Variants in HSF2 observed in about 807,000 individuals in gnomAD.
HSF2 encodes the protein heat shock factor protein 2.
Under a neutral mutation model 65.0 loss-of-function variants are expected in HSF2, and 21 were observed. The ratio of observed to expected loss-of-function variants is 0.32; its 90% CI spans 0.23 to 0.47. The LOEUF (loss-of-function observed/expected upper bound fraction) is 0.47, where lower values mean the gene tolerates loss of function less well. Ranked by LOEUF, HSF2 falls within the 20% of genes least tolerant of loss-of-function variation. The probability of loss-of-function intolerance (pLI) is 1.00; values close to 1 mark genes in which losing one functional copy is unlikely to be tolerated. For missense variants in HSF2, 499 were observed against 628.1 expected, an observed-to-expected ratio of 0.79 and a Z score of 2.20; for synonymous variants, 225 against 219.1, an observed-to-expected ratio of 1.03 and a Z score of -0.24.
intron 10 of HSF2, among the ~76,000 whole-genome samples, chr6:122,427,426 A>G (rs575379345): frequency 6.6e-6 from 1 of 152,160 alleles, no homozygotes; most frequent in African/African-American, 2.4e-5. Context: ...TAGATATGCC[A>G]TCTGTCAGAG....
At chr6:122,410,643 T>C (rs189036318) in intron 1 of HSF2, among the ~76,000 whole-genome samples, 3 of 151,942 alleles carry the variant, frequency 2.0e-5, no homozygotes, top group Non-Finnish European at 4.4e-5. Flanking sequence ...TATGGAAACT[T>C]CATATAAGGG....
At chr6:122,429,813 T>C (rs1169718379) in intron 11 of HSF2, among the ~76,000 whole-genome samples, 2 of 152,178 alleles carry the variant, frequency 1.3e-5, no homozygotes, top group Admixed American at 6.5e-5. Flanking sequence ...ATTACGTTTA[T>C]TGATATGTGT....
rs1339036193 is a variant in HSF2, at chr6:122,413,589, G to A, written c.395G>A (p.Ser132Asn). 1.2e-6 allele frequency: 2 copies of A among 1,600,136 alleles called. No individual in the cohort carries two copies. Among genetic ancestry groups the A allele is most frequent in the Non-Finnish European group, 1.7e-6 (2 of 1,167,830 alleles). The part of the protein sequence containing the change: ...RQEDLTKIIS[S>N]AQKVQIKQET... ...GAAGATTTAACAAAAATTATAAGTA[G>A]TGCTCAGAAGGTTCAGATAAAACAG... Residue 132 changes from serine to asparagine, a missense_variant, in exon 4 of 13, where the codon AGT (serine) becomes AAT (asparagine). Ser to Asn is a conservative substitution (Grantham distance 46). This residue lies in a region of HSF2 where 150 missense variants were observed against 234.6 expected (regional missense o/e 0.64). Coordinates refer to ENST00000368455, the MANE Select transcript of HSF2 (RefSeq NM_004506.4).
chr6:122,422,309 T>G lies in HSF2; in HGVS notation c.830+11T>G. On this transcript the variant is annotated intron_variant, in intron 8 of 12. Transcript: ENST00000368455. ...ATCTGATCCCTCCAAGTAAGGAGTT[T>G]GTGAGATAAAATGTATGAAAATATT... The G allele has an allele frequency of 6.4e-7, 1 of 1,567,664 alleles. No individual in the cohort carries two copies. Among genetic ancestry groups the G allele is most frequent in the South Asian group, 1.1e-5 (1 of 87,424 alleles).
intron 5 of HSF2, among the ~76,000 whole-genome samples, chr6:122,418,414 C>A (rs542381500): frequency 6.6e-6 from 1 of 152,152 alleles, no homozygotes; most frequent in Admixed American, 6.6e-5. Flanking sequence ...ATCCAAAGTT[C>A]CTAAGCTAGT....
chr6:122,414,219 G>A (rs1224299309), intron 4 of HSF2, among the ~76,000 whole-genome samples: 1 of 152,054 alleles, frequency 6.6e-6, no homozygotes, highest in African/African-American at 2.4e-5. Context: ...TACATTTCTT[G>A]GTTACCATTA....
Position 122,401,683 on chromosome 6 carries a change from G to A in HSF2, c.93+1853G>A, listed in dbSNP as rs78407689. On this transcript the variant is annotated intron_variant, in intron 1 of 12. Transcript: ENST00000368455. Reference sequence around the variant, plus strand: ...AACCAATTTTCTAATATGCCAGTGGGACAATCAAAATGTAAGCTCAGTGAG... The same window carrying A: ...AACCAATTTTCTAATATGCCAGTGGAACAATCAAAATGTAAGCTCAGTGAG... Among the ~76,000 whole-genome samples the A allele has an allele frequency of 4.4e-3, 665 of 152,256 alleles. 3 individuals are homozygous for A. The highest frequency in any genetic ancestry group is 0.015 in the African/African-American group (632 of 41,550).
rs952468303 is a variant in HSF2 at position 122,416,448 on chromosome 6, G to A, written c.531+152G>A. ...GAAGTAAAAAATGAAATGAAATTAA[G>A]CCAAGTGTTACACATTTTTAATAAA... On this transcript the variant is annotated intron_variant, in intron 5 of 12. Coordinates refer to ENST00000368455, the MANE Select transcript of HSF2 (RefSeq NM_004506.4). The A allele has an allele frequency of 7.3e-5, 36 of 496,410 alleles. 4 individuals carry two copies. In the Admixed American group the frequency reaches 8.3e-4, roughly 11 times the overall value. The allele number at this position is 496,410 out of a possible 1,614,324, so 30.8% of individuals were successfully genotyped here.
chr6:122,401,268 A>G (rs1425120431), intron 1 of HSF2, among the ~76,000 whole-genome samples: 6 of 151,466 alleles, frequency 4.0e-5, no homozygotes, highest in African/African-American at 1.4e-4. Context: ...AAATAAACAC[A>G]TGTCTCATGC....
At chr6:122,413,212 G>C (rs182819016) in intron 3 of HSF2, among the ~76,000 whole-genome samples, 6 of 152,108 alleles carry the variant, frequency 3.9e-5, no homozygotes, top group Admixed American at 3.9e-4. Context: ...ATTAAATGTG[G>C]AATGTGGTAA....
intron 10 of HSF2, among the ~76,000 whole-genome samples, chr6:122,427,323 C>T (rs1299575981): frequency 6.6e-6 from 1 of 152,018 alleles, no homozygotes; most frequent in Non-Finnish European, 1.5e-5. Context: ...CTTATAGTTA[C>T]ATCTGTGAAC....
rs1582613322 is a variant in HSF2 at position 122,416,218 on chromosome 6, TAGTG to T, written c.456_459del (p.Ser152ArgfsTer40). On this transcript the variant is annotated splice_acceptor_variant and coding_sequence_variant, in exon 5 of 13. Coordinates refer to ENST00000368455, the MANE Select transcript of HSF2 (RefSeq NM_004506.4). LOFTEE classifies it high-confidence loss of function. ...TTTTGTTGCTTAATAAATTATAACA[TAGTG>T]AGAATGAGTCCCTTTGGAAGGAGGT... 6.3e-7 allele frequency: 1 copy of T among 1,576,416 alleles called. No homozygotes were observed. Among genetic ancestry groups the T allele is most frequent in the Non-Finnish European group, 8.7e-7 (1 of 1,146,592 alleles).
intron 4 of HSF2, 86 bp from the exon 5 acceptor site, chr6:122,416,135 G>T: frequency 1.2e-6 from 1 of 808,014 alleles, no homozygotes; most frequent in Non-Finnish European, 2.1e-6. Flanking sequence ...TAGTTCAGTT[G>T]TCTGGTATTC....
intron 1 of HSF2, among the ~76,000 whole-genome samples, chr6:122,410,211 C>A (rs1462825295): frequency 6.6e-6 from 1 of 151,868 alleles, no homozygotes; most frequent in African/African-American, 2.4e-5. Flanking sequence ...CTCCACAAAT[C>A]ATTTTTTTAA....
chr6:122,420,700 CTTTTTTT>C (rs59305295), intron 7 of HSF2, among the ~76,000 whole-genome samples: 392 of 28,542 alleles, frequency 0.014, 8 homozygotes, highest in East Asian at 0.13. Context: ...TTATTCATTT[CTTTTTTT>C]TTTTTTTTTT....
At chr6:122,422,447 C>A in intron 8 of HSF2, 149 bp downstream of exon 8, 1 of 738,396 alleles carries the variant, frequency 1.4e-6, no homozygotes, top group Non-Finnish European at 2.3e-6. Context: ...ATTATTCAAC[C>A]AGATAAAACC....
At position 122,433,105 on chromosome 6, in the gene HSF2, ATATAT is replaced by A. The variant is rs1350126426; in HGVS notation, c.*887_*891del. On this transcript the variant is annotated 3_prime_UTR_variant, in exon 13 of 13. Transcript: ENST00000368455. ...AAGATATTTGTGCCTCATCTCGAAA[ATATAT>A]TGTATATTGCAACAAGGGAGAAATA... The A allele has an allele frequency of 4.6e-5, 7 of 152,166 alleles. No homozygotes were observed. Among genetic ancestry groups the A allele is most frequent in the African/African-American group, 1.7e-4 (7 of 41,436 alleles). 9.4% of individuals were successfully genotyped at this position (152,166 alleles called of 1,614,324 possible).
In HSF2 at chr6:122,412,332, C is replaced by CTT. The variant is rs762402450; in HGVS notation, c.94-40_94-39dup. On this transcript the variant is annotated intron_variant, in intron 1 of 12. Transcript: ENST00000368455. ...AATATATCACCATGTGTCATAGGAA[C>CTT]TTAACTAATTTACTTTTTCTTTTTT... The CTT allele has an allele frequency of 2.1e-5, 25 of 1,184,184 alleles. No individual in the cohort carries two copies. In the African/African-American group the frequency reaches 3.5e-4, roughly 16 times the overall value. 73.4% of individuals were successfully genotyped at this position (1,184,184 alleles called of 1,614,324 possible). A position where few individuals can be genotyped will look rare whatever the true frequency, so the allele number is the denominator to read the frequency against.
intron 1 of HSF2, among the ~76,000 whole-genome samples, chr6:122,411,945 C>T (rs766225807): frequency 1.3e-5 from 2 of 151,842 alleles, no homozygotes; most frequent in Admixed American, 6.6e-5. Context: ...TACAAAGATA[C>T]AATTATGTCT....
Sources: gnomAD v4.1 joint callset for allele counts (sites outside exome capture counted in the v4.1 genomes callset) on GRCh38, gnomAD v4.1.1 for gene constraint, gnomAD v4.1.1 regional missense constraint, MANE v1.5 for transcripts, NCBI Gene and HGNC (gene_info 2026-07-23, HGNC 2026-07-21) for gene names.